Variants in EFCAB3 observed in about 807,000 individuals in gnomAD.
EFCAB3 encodes EF-hand calcium-binding domain-containing protein 3.
In EFCAB3, 36 loss-of-function variants were observed where a neutral mutation model predicts 42.2. That is an observed-to-expected ratio of 0.85 (90% CI 0.65 to 1.13). The LOEUF (loss-of-function observed/expected upper bound fraction) is 1.13. Ranked by LOEUF, EFCAB3 falls within the 50% of genes most tolerant of loss-of-function variation. EFCAB3 has a pLI of 0.00. For synonymous variants in EFCAB3, 170 were observed against 172.8 expected (o/e 0.98, Z 0.13); for missense variants, 418 against 505.1 (o/e 0.83, Z 1.65).
intron 6 of EFCAB3, among the ~76,000 whole-genome samples, chr17:62,403,177 T>G (rs2070419018): frequency 6.6e-6 from 1 of 152,208 alleles, no homozygotes; most frequent in Non-Finnish European, 1.5e-5. Flanking sequence ...TGCATGGTTT[T>G]GCCATCTCAG....
intron 1 of EFCAB3, chr17:62,380,814 T>C (rs2070190188): frequency 6.2e-6 from 1 of 160,742 alleles, no homozygotes; most frequent in Non-Finnish European, 1.3e-5. Flanking sequence ...TGAGGACTTG[T>C]AATTGAGTTG....
chr17:62,406,824 C>A, intron 7 of EFCAB3, 151 bp downstream of exon 7: 3 of 904,386 alleles, frequency 3.3e-6, no homozygotes, highest in Non-Finnish European at 4.9e-6. Context: ...CATTTGAAAG[C>A]AAATGTAGAT....
intron 1 of EFCAB3, among the ~76,000 whole-genome samples, chr17:62,373,123 T>C (rs9709159): frequency 6.7e-6 from 1 of 148,752 alleles, no homozygotes; most frequent in South Asian, 2.1e-4. Context: ...TCACTAAAAA[T>C]AAAAAAAATT....
chr17:62,373,221 A>G (rs1325114772), intron 1 of EFCAB3, among the ~76,000 whole-genome samples: 2 of 151,310 alleles, frequency 1.3e-5, no homozygotes, highest in South Asian at 4.2e-4. Context: ...CAGAGGTTGC[A>G]CTGAGCTGAG....
At chr17:62,373,466 G>T (rs143790015) in intron 1 of EFCAB3, among the ~76,000 whole-genome samples, 1 of 146,022 alleles carries the variant, frequency 6.8e-6, no homozygotes, top group Non-Finnish European at 1.5e-5. Flanking sequence ...AAAAAAAATT[G>T]TTTAATGAGC....
At chr17:62,415,585 C>T (rs1019332266) in intron 9 of EFCAB3, among the ~76,000 whole-genome samples, 4 of 152,132 alleles carry the variant, frequency 2.6e-5, no homozygotes, top group Non-Finnish European at 4.4e-5. Context: ...GCTGTCCCCT[C>T]TCCCTGGAAC....
intron 3 of EFCAB3, among the ~76,000 whole-genome samples, chr17:62,390,131 G>A (rs944808140): frequency 2.6e-5 from 4 of 152,170 alleles, no homozygotes; most frequent in African/African-American, 7.2e-5. Flanking sequence ...AATGGCAGAG[G>A]TAGCAATAGC....
intron 9 of EFCAB3, 114 bp from the exon 10 acceptor site, chr17:62,415,889 T>C: frequency 1.1e-6 from 1 of 880,486 alleles, no homozygotes; most frequent in Non-Finnish European, 1.7e-6. Flanking sequence ...AATGTATAGA[T>C]TCAGTGACTT....
intron 6 of EFCAB3, among the ~76,000 whole-genome samples, chr17:62,399,256 C>T (rs1056944838): frequency 2.0e-5 from 3 of 151,832 alleles, no homozygotes; most frequent in Non-Finnish European, 4.4e-5. Flanking sequence ...AAGCCTCAAC[C>T]TCCCAGGCTT....
At chr17:62,381,940 C>G (rs1052232761) in intron 1 of EFCAB3, 17 of 310,724 alleles carry the variant, frequency 5.5e-5, no homozygotes, top group Non-Finnish European at 1.1e-4. Context: ...CCCGCTGCAG[C>G]AGAGGAGAAG....
chr17:62,391,966 G>A lies in EFCAB3; in HGVS notation c.295+1G>A, dbSNP rs373121156. The A allele has an allele frequency of 6.3e-5, 101 of 1,595,420 alleles. No individual in the cohort carries two copies. Among genetic ancestry groups the A allele is most frequent in the South Asian group, 2.4e-4 (21 of 87,216 alleles). On this transcript the variant is annotated splice_donor_variant, in intron 4 of 9. Transcript: ENST00000305286. LOFTEE classifies it high-confidence loss of function. ...GAATTGAAATGTGCTGATATTGATC[G>A]TGAGTCCTTTGGCTTCTCATTGTTT...
chr17:62,386,956 T>A (rs2070257019), intron 2 of EFCAB3, among the ~76,000 whole-genome samples: 1 of 140,140 alleles, frequency 7.1e-6, no homozygotes, highest in Non-Finnish European at 1.5e-5. Context: ...ACCTGGCTAA[T>A]TTTTTTTTAT....
intron 5 of EFCAB3, 94 bp from the exon 6 acceptor site, chr17:62,394,974 C>A: frequency 6.7e-7 from 1 of 1,491,162 alleles, no homozygotes; most frequent in Non-Finnish European, 9.0e-7. Flanking sequence ...TAGTTCCTGA[C>A]TTGATATTAT....
intron 2 of EFCAB3, 189 bp downstream of exon 2, chr17:62,383,242 G>A (rs568200566): frequency 4.1e-6 from 2 of 483,756 alleles, no homozygotes; most frequent in Admixed American, 4.1e-5. Context: ...TTGGGAGGCC[G>A]AGGTGGGCGG....
At chr17:62,379,839 C>G (rs539095148), upstream of EFCAB3, among the ~76,000 whole-genome samples, 2 of 152,272 alleles carry the variant, frequency 1.3e-5, no homozygotes, top group Admixed American at 1.3e-4. Flanking sequence ...TGTAATTGTT[C>G]TTTTGAAAGC....
At chr17:62,388,091 T>C (rs974420148) in intron 3 of EFCAB3, among the ~76,000 whole-genome samples, 15 of 152,008 alleles carry the variant, frequency 9.9e-5, no homozygotes, top group African/African-American at 2.9e-4. Flanking sequence ...GCACCTGTAA[T>C]CCCAGCTATT....
At chr17:62,412,325 A>C (rs1408518145) in intron 8 of EFCAB3, among the ~76,000 whole-genome samples, 1 of 149,094 alleles carries the variant, frequency 6.7e-6, no homozygotes, top group Non-Finnish European at 1.5e-5. Flanking sequence ...GCAGTGAGCC[A>C]AGATCCCACC....
At chr17:62,414,351 C>T (rs2070525783) in intron 9 of EFCAB3, among the ~76,000 whole-genome samples, 1 of 152,156 alleles carries the variant, frequency 6.6e-6, no homozygotes, top group Non-Finnish European at 1.5e-5. Flanking sequence ...CTCAATCTAT[C>T]CTCCTTGGTT....
intron 8 of EFCAB3, among the ~76,000 whole-genome samples, chr17:62,410,711 C>T (rs981823721): frequency 1.3e-5 from 2 of 151,788 alleles, no homozygotes; most frequent in African/African-American, 4.8e-5. Flanking sequence ...AGAGAGAGAG[C>T]ACCTAAAGCC....
Sources: allele counts gnomAD v4.1 joint callset (sites outside exome capture counted in the v4.1 genomes callset), GRCh38; gene constraint gnomAD v4.1.1; transcripts MANE v1.5; gene names NCBI Gene and HGNC (gene_info 2026-07-23, HGNC 2026-07-21).